Variants in PREX2 observed in about 807,000 individuals in gnomAD.
The protein encoded by PREX2 is phosphatidylinositol 3,4,5-trisphosphate-dependent Rac exchanger 2 protein.
A neutral mutation model predicts 203.2 loss-of-function variants in PREX2; 107 were observed. The ratio of observed to expected loss-of-function variants is 0.53; its 90% CI spans 0.45 to 0.62. The LOEUF (loss-of-function observed/expected upper bound fraction) is 0.62, where lower values mean the gene tolerates loss of function less well. Among genes scored for constraint, PREX2 ranks in the 20% least tolerant of loss-of-function variants. The pLI, the probability that PREX2 is intolerant of heterozygous loss-of-function variation, is 0.00. For missense variants in PREX2, 1,777 were observed against 1,955.9 expected, an observed-to-expected ratio of 0.91 and a Z score of 1.72; for synonymous variants, 672 against 663.6, an observed-to-expected ratio of 1.01 and a Z score of -0.19.
At chr8:68,151,671 C>T (rs1374965492) in intron 34 of PREX2, among the ~76,000 whole-genome samples, 2 of 151,802 alleles carry the variant, frequency 1.3e-5, no homozygotes, top group African/African-American at 2.4e-5. Flanking sequence ...TGTTAAATAC[C>T]TATTTCCTGG....
chr8:68,197,259 C>T (rs1300619232), intron 37 of PREX2, among the ~76,000 whole-genome samples: 2 of 152,056 alleles, frequency 1.3e-5, no homozygotes, highest in African/African-American at 4.8e-5. Context: ...CCCCACATGT[C>T]AAGGGCAGGA....
At chr8:67,975,703 T>C (rs1246495833) in intron 1 of PREX2, among the ~76,000 whole-genome samples, 3 of 113,756 alleles carry the variant, frequency 2.6e-5, no homozygotes, top group African/African-American at 6.9e-5. Flanking sequence ...TCTTTTTTTT[T>C]TTTTTTTTTT....
intron 35 of PREX2, among the ~76,000 whole-genome samples, chr8:68,173,113 A>G (rs182903147): frequency 8.1e-4 from 124 of 152,262 alleles, no homozygotes; most frequent in African/African-American, 2.6e-3. Context: ...CTAGTTCCTC[A>G]CTGTGCTTGG....
chr8:68,087,206 C>A (rs1002079067), intron 18 of PREX2, among the ~76,000 whole-genome samples: 1 of 152,156 alleles, frequency 6.6e-6, no homozygotes, highest in Non-Finnish European at 1.5e-5. Flanking sequence ...TATCCACCTA[C>A]AAACTGACTA....
intron 8 of PREX2, among the ~76,000 whole-genome samples, chr8:68,052,572 A>G (rs1808554287): frequency 6.6e-6 from 1 of 152,134 alleles, no homozygotes; most frequent in Admixed American, 6.6e-5. Context: ...TGGCATTTGT[A>G]TGTTTCCATT....
At chr8:68,134,914 G>A (rs1043647159) in intron 32 of PREX2, among the ~76,000 whole-genome samples, 1 of 152,082 alleles carries the variant, frequency 6.6e-6, no homozygotes, top group Non-Finnish European at 1.5e-5. Context: ...GTTTTTTCAC[G>A]TATACCTCCT....
chr8:68,037,448 T>C (rs1176718386), intron 6 of PREX2, among the ~76,000 whole-genome samples: 1 of 152,214 alleles, frequency 6.6e-6, no homozygotes, highest in Non-Finnish European at 1.5e-5. Flanking sequence ...CGTGTCCAAC[T>C]CAGGGGGCAG....
chr8:68,125,131 C>T (rs1323245546), intron 30 of PREX2, among the ~76,000 whole-genome samples: 1 of 152,096 alleles, frequency 6.6e-6, no homozygotes, highest in Non-Finnish European at 1.5e-5. Context: ...GTTAAAAAAG[C>T]ATTAGGATCA....
intron 1 of PREX2, among the ~76,000 whole-genome samples, chr8:68,007,438 T>C (rs942431364): frequency 3.9e-5 from 6 of 152,254 alleles, no homozygotes; most frequent in Non-Finnish European, 7.3e-5. Flanking sequence ...GTCATTGATA[T>C]AGCTTGCTAT....
Position 68,232,631 on chromosome 8 carries a change from T to G in PREX2, c.*1253T>G, listed in dbSNP as rs1029208888. 5 of 152,158 alleles carry G rather than the reference T, an allele frequency of 3.3e-5. No homozygotes were observed. Among genetic ancestry groups the G allele is most frequent in the African/African-American group, 1.2e-4 (5 of 41,448 alleles). The allele number at this position is 152,158 out of a possible 1,614,324, so 9.4% of individuals were successfully genotyped here. A position where few individuals can be genotyped will look rare whatever the true frequency, so the allele number is the denominator to read the frequency against. On this transcript the variant is annotated 3_prime_UTR_variant, in exon 40 of 40. Coordinates refer to ENST00000288368, the MANE Select transcript of PREX2 (RefSeq NM_024870.4). ...CAAACTATTATTAATTTTTTTTTTA[T>G]TTTTTGAAACTGAGTCTCACTCTGT...
At chr8:67,959,627 TG>T (rs1409469506) in intron 1 of PREX2, among the ~76,000 whole-genome samples, 3 of 152,238 alleles carry the variant, frequency 2.0e-5, no homozygotes, top group Non-Finnish European at 4.4e-5. Flanking sequence ...TGAAATTTTC[TG>T]AGCCATCTTG....
At chr8:68,000,860 T>A (rs1211809756) in intron 1 of PREX2, among the ~76,000 whole-genome samples, 1 of 152,216 alleles carries the variant, frequency 6.6e-6, no homozygotes, top group Non-Finnish European at 1.5e-5. Flanking sequence ...AAAAACTCCC[T>A]ATTCAATAAA....
intron 35 of PREX2, among the ~76,000 whole-genome samples, chr8:68,159,182 G>A (rs1323573547): frequency 6.6e-6 from 1 of 152,022 alleles, no homozygotes; most frequent in Non-Finnish European, 1.5e-5. Flanking sequence ...CAAATTGTAG[G>A]CAAATAATAA....
chr8:68,062,755 TACTTTGAAATC>T (rs1315441217), intron 11 of PREX2, among the ~76,000 whole-genome samples: 6 of 149,046 alleles, frequency 4.0e-5, no homozygotes, highest in Admixed American at 2.7e-4. Flanking sequence ...TTTTTTTTTT[TACTTTGAAATC>T]TTTCTTCATG....
At chr8:68,056,697 A>G (rs1808688800) in intron 10 of PREX2, among the ~76,000 whole-genome samples, 1 of 152,150 alleles carries the variant, frequency 6.6e-6, no homozygotes, top group South Asian at 2.1e-4. Context: ...GTTAAATACC[A>G]TTATACTTTT....
intron 32 of PREX2, among the ~76,000 whole-genome samples, chr8:68,137,165 CA>C (rs1285914819): frequency 4.6e-5 from 7 of 152,194 alleles, no homozygotes; most frequent in African/African-American, 1.4e-4. Flanking sequence ...CTCAGCCCCG[CA>C]AACTGTTGGG....
intron 1 of PREX2, among the ~76,000 whole-genome samples, chr8:67,983,308 C>T (rs1010372396): frequency 1.6e-5 from 1 of 62,846 alleles, no homozygotes; most frequent in East Asian, 1.2e-3. Context: ...TGAAAAGAGA[C>T]CTGCAGATGC....
chr8:68,174,206 C>A (rs1811936400), intron 35 of PREX2, among the ~76,000 whole-genome samples: 1 of 152,040 alleles, frequency 6.6e-6, no homozygotes, highest in Admixed American at 6.6e-5. Context: ...AAGCTTTATC[C>A]CTGCACCTGT....
At chr8:68,123,107 G>A (rs1360405830) in intron 30 of PREX2, among the ~76,000 whole-genome samples, 2 of 151,960 alleles carry the variant, frequency 1.3e-5, no homozygotes, top group African/African-American at 4.8e-5. Context: ...GTGGGTTGTT[G>A]AAGTCTCCAA....
Sources: gnomAD v4.1 joint callset for allele counts (sites outside exome capture counted in the v4.1 genomes callset) on GRCh38, gnomAD v4.1.1 for gene constraint, MANE v1.5 for transcripts, NCBI Gene and HGNC (gene_info 2026-07-23, HGNC 2026-07-21) for gene names.